NDUFS7: variants seen among roughly 807,000 people sequenced by gnomAD.
NDUFS7 encodes the protein NADH dehydrogenase [ubiquinone] iron-sulfur protein 7, mitochondrial.
NDUFS7 carries 11 observed loss-of-function variants against 31.1 expected under a neutral mutation model. That is an observed-to-expected ratio of 0.35 (90% CI 0.22 to 0.59). The LOEUF (loss-of-function observed/expected upper bound fraction) is 0.59. NDUFS7 is among the 20% of genes least tolerant of loss of function. NDUFS7 has a pLI of 0.79. For synonymous variants in NDUFS7, 136 were observed against 127.9 expected (o/e 1.06, Z -0.43); for missense variants, 263 against 324.2 (o/e 0.81, Z 1.45).
Position 1,390,378 on chromosome 19 carries a change from G to A in NDUFS7, c.229-493G>A, listed in dbSNP as rs147751223. Reference sequence around the variant, plus strand: ...AGGGCCCCTGCCAGGTCTCAGAGCCGCGTGCAGGGAGAGCGGGAACGGTGG... The same window carrying A: ...AGGGCCCCTGCCAGGTCTCAGAGCCACGTGCAGGGAGAGCGGGAACGGTGG... On this transcript the variant is annotated intron_variant, in intron 4 of 7. Coordinates refer to ENST00000233627, the MANE Select transcript of NDUFS7 (RefSeq NM_024407.5). 1,167 of 212,840 alleles carry A rather than the reference G, an allele frequency of 5.5e-3. 6 individuals carry two copies. The highest frequency in any genetic ancestry group is 8.6e-3 in the Non-Finnish European group (894 of 104,166). The allele number at this position is 212,840 out of a possible 1,614,324, so 13.2% of individuals were successfully genotyped here. A position where few individuals can be genotyped will look rare whatever the true frequency, so the allele number is the denominator to read the frequency against.
At chr19:1,394,553 G>A in intron 7 of NDUFS7, 2 of 1,244,776 alleles carry the variant, frequency 1.6e-6, no homozygotes, top group South Asian at 2.6e-5. Flanking sequence ...CTCCCTCCCT[G>A]GGGACCGCGC....
intron 1 of NDUFS7, chr19:1,384,210 G>C (rs1159241462): frequency 2.0e-6 from 1 of 497,686 alleles, no homozygotes; most frequent in East Asian, 3.6e-5. Flanking sequence ...GTGGAGGCTG[G>C]AGGGGCCCCA....
chr19:1,388,477 C>T (rs2082524595), intron 2 of NDUFS7, 48 bp from the exon 3 acceptor site: 1 of 1,558,570 alleles, frequency 6.4e-7, no homozygotes, highest in Non-Finnish European at 8.8e-7. Flanking sequence ...GCTGGGGGAG[C>T]TGGAGGGGCC....
chr19:1,395,017 C>G (rs1049996784), intron 7 of NDUFS7: 22 of 1,153,922 alleles, frequency 1.9e-5, no homozygotes, highest in Non-Finnish European at 2.3e-5. Context: ...CCATCTCCGT[C>G]CAGGGCAGCC....
In NDUFS7 at chr19:1,393,069, A is replaced by G. The variant is rs2082568090; in HGVS notation, c.456-173A>G. The G allele has an allele frequency of 1.6e-6, 1 of 635,118 alleles. No homozygotes were observed. The highest frequency in any genetic ancestry group is 2.9e-6 in the Non-Finnish European group (1 of 350,728). The allele number at this position is 635,118 out of a possible 1,614,324, so 39.3% of individuals were successfully genotyped here. A position where few individuals can be genotyped will look rare whatever the true frequency, so the allele number is the denominator to read the frequency against. Reference sequence around the variant, plus strand: ...TGTGAGCTTGCGCCCCACTGGTCCCACAGAGGCTCTGGGAGCCTGTGCGTG... The same window carrying G: ...TGTGAGCTTGCGCCCCACTGGTCCCGCAGAGGCTCTGGGAGCCTGTGCGTG... On this transcript the variant is annotated intron_variant, in intron 6 of 7. Transcript: ENST00000233627. The surrounding 1 kb of genome is among the most constrained non-coding windows in gnomAD (Gnocchi z 7.3).
intron 6 of NDUFS7, chr19:1,392,009 T>C (rs368120229): frequency 6.6e-6 from 1 of 152,058 alleles, no homozygotes. Flanking sequence ...CCACCACACC[T>C]GGCCAATTTT....
chr19:1,394,284 C>T, intron 7 of NDUFS7: 1 of 1,130,438 alleles, frequency 8.8e-7, no homozygotes, highest in Non-Finnish European at 1.2e-6. Flanking sequence ...CAGCCTGGGC[C>T]TCCCTGTGAC....
At chr19:1,394,657 C>T in intron 7 of NDUFS7, 1 of 1,226,592 alleles carries the variant, frequency 8.2e-7, no homozygotes, top group South Asian at 1.4e-5. Flanking sequence ...GGACCTCGCT[C>T]CTCCCTCCCT....
At position 1,395,432 on chromosome 19, in the gene NDUFS7, C is replaced by A; in HGVS notation, c.586C>A (p.Gln196Lys). The change falls in exon 8 of 8, where the codon CAG (glutamine) becomes AAG (lysine). Residue 196 changes from glutamine (Q) to lysine (K), a missense_variant. Coordinates refer to ENST00000233627, the MANE Select transcript of NDUFS7 (RefSeq NM_024407.5). Reference sequence around the variant, plus strand: ...CGAGGCCCTGCTCTACGGCATCCTGCAGCTGCAGAGGAAGATCAAGCGGGA... The same window carrying A: ...CGAGGCCCTGCTCTACGGCATCCTGAAGCTGCAGAGGAAGATCAAGCGGGA... Reference protein sequence around the residue: ...TAEALLYGILQLQRKIKRERR... With the variant: ...TAEALLYGILKLQRKIKRERR... 6.2e-7 allele frequency: 1 copy of A among 1,602,326 alleles called. No individual in the cohort carries two copies. Among genetic ancestry groups the A allele is most frequent in the Admixed American group, 1.7e-5 (1 of 58,130 alleles).
chr19:1,389,271 A>T (rs1568990157), intron 4 of NDUFS7: 1 of 614,120 alleles, frequency 1.6e-6, no homozygotes, highest in Non-Finnish European at 3.1e-6. Context: ...ACACATGCAC[A>T]CGCACACTCG....
intron 4 of NDUFS7, chr19:1,389,708 CA>C: frequency 2.8e-6 from 1 of 355,266 alleles, no homozygotes; most frequent in African/African-American, 2.1e-5. Context: ...GCAGCGTGAG[CA>C]CGTGCAGCTC....
chr19:1,394,926 C>T (rs1038941112), intron 7 of NDUFS7: 2 of 1,119,526 alleles, frequency 1.8e-6, no homozygotes, highest in Non-Finnish European at 2.2e-6. Flanking sequence ...TGGCTTGGGG[C>T]TCAGAAAGAG....
Position 1,395,060 on chromosome 19 carries a change from G to A in NDUFS7, c.545-331G>A, listed in dbSNP as rs999531097. On this transcript the variant is annotated intron_variant, in intron 7 of 7. Transcript: ENST00000233627. ...CTGCTCCCCACTGCTAAGTGTGTCT[G>A]CTGAGCGCTGGCCCCCATTGAGTCC... The A allele has an allele frequency of 2.3e-5, 28 of 1,236,106 alleles. No homozygotes were observed. The African/African-American group carries it at 3.9e-4, about 17-fold the overall frequency. The allele number at this position is 1,236,106 out of a possible 1,614,324, so 76.6% of individuals were successfully genotyped here.
chr19:1,385,965 C>T (rs2082504908), intron 1 of NDUFS7, among the ~76,000 whole-genome samples: 1 of 152,152 alleles, frequency 6.6e-6, no homozygotes, highest in African/African-American at 2.4e-5. Flanking sequence ...TGGAGTGGGG[C>T]AGCTCCCACC....
intron 7 of NDUFS7, chr19:1,394,856 A>G (rs1179654797): frequency 1.7e-6 from 2 of 1,149,004 alleles, no homozygotes; most frequent in Non-Finnish European, 2.2e-6. Context: ...CCTCTTGCTC[A>G]AGCCCTTTGT....
At chr19:1,394,454 C>T (rs1054231439) in intron 7 of NDUFS7, 29 of 1,273,130 alleles carry the variant, frequency 2.3e-5, no homozygotes, top group Non-Finnish European at 2.7e-5. Context: ...GCGCTCCTCC[C>T]TCCCTGCGGA....
chr19:1,394,468 T>TGCTCCCTGTCTGGGGACTGC (rs1568998059), intron 7 of NDUFS7: 6 of 1,226,416 alleles, frequency 4.9e-6, no homozygotes, highest in South Asian at 1.3e-5. Flanking sequence ...CTGCGGACTG[T>TGCTCCCTGTCTGGGGACTGC]GCTCCCTGTC....
rs776616426 is a variant in NDUFS7, at chr19:1,393,384, C to A, written c.544+54C>A. The A allele has an allele frequency of 2.7e-6, 4 of 1,474,722 alleles. No individual in the cohort carries two copies. Among genetic ancestry groups the A allele is most frequent in the Non-Finnish European group, 2.8e-6 (3 of 1,085,234 alleles). The allele number at this position is 1,474,722 out of a possible 1,614,324, so 91.4% of individuals were successfully genotyped here. On this transcript the variant is annotated intron_variant, in intron 7 of 7. Coordinates refer to ENST00000233627, the MANE Select transcript of NDUFS7 (RefSeq NM_024407.5). This position sits in a 1 kb window ranked among gnomAD's most constrained non-coding sequence, Gnocchi z 7.3. Reference sequence around the variant, plus strand: ...GGAGCTGGAGACAGGGCCAGCGCCACACGGAGCCCGGCGGCCCCTGTGAGG... The same window carrying A: ...GGAGCTGGAGACAGGGCCAGCGCCAAACGGAGCCCGGCGGCCCCTGTGAGG...
rs1261232814 is a variant in NDUFS7, at chr19:1,391,172, G to A, written c.455+7G>A. 1 of 1,611,290 alleles carries A rather than the reference G, an allele frequency of 6.2e-7. No individual in the cohort carries two copies. The stretch of plus-strand genomic sequence containing the variant: ...ACGTGGTCTCCATGGGGAGGTGAGT[G>A]CAGGGCGGGGGGTCTCCAGGGACAG... On this transcript the variant is annotated splice_region_variant and intron_variant, in intron 6 of 7. Coordinates refer to ENST00000233627, the MANE Select transcript of NDUFS7 (RefSeq NM_024407.5).
Sources: gnomAD v4.1 joint callset for allele counts (sites outside exome capture counted in the v4.1 genomes callset) on GRCh38, gnomAD v4.1.1 for gene constraint, Gnocchi (gnomAD v3.1) non-coding constraint, MANE v1.5 for transcripts, NCBI Gene and HGNC (gene_info 2026-07-23, HGNC 2026-07-21) for gene names.